The following NTN1 variants were observed in gnomAD, a reference collection of about 807,000 sequenced individuals.
The protein encoded by NTN1 is netrin-1.
Under a neutral mutation model 54.2 loss-of-function variants are expected in NTN1, and 11 were observed. That is an observed-to-expected ratio of 0.20 (90% CI 0.13 to 0.34). The LOEUF is 0.34. Ranked by LOEUF, NTN1 falls within the 10% of genes least tolerant of loss-of-function variation. The probability of loss-of-function intolerance (pLI) is 1.00; values close to 1 mark genes in which losing one functional copy is unlikely to be tolerated. For missense variants in NTN1, 740 were observed against 893.1 expected (o/e 0.83, Z 2.18); for synonymous variants, 371 against 382.0 (o/e 0.97, Z 0.33).
chr17:9,189,626 AGG>A (rs1904397828), intron 5 of NTN1, among the ~76,000 whole-genome samples: 1 of 152,098 alleles, frequency 6.6e-6, no homozygotes, highest in African/African-American at 2.4e-5. Flanking sequence ...CTGGGATTAC[AGG>A]GGTGAGCCAC....
At chr17:9,106,852 C>T in intron 2 of NTN1, among the ~76,000 whole-genome samples, 1 of 63,026 alleles carries the variant, frequency 1.6e-5, no homozygotes, top group African/African-American at 4.2e-5. Flanking sequence ...TGTATCTTCG[C>T]CGTCACCATC....
At chr17:9,173,544 CAGCCTGGCCCACGCCGTGG>C in intron 3 of NTN1, 1 of 104,314 alleles carries the variant, frequency 9.6e-6, no homozygotes, top group East Asian at 6.9e-4. Context: ...AGCCAGGGAG[CAGCCTGGCCCACGCCGTGG>C]GGCCTGTCCA....
intron 2 of NTN1, among the ~76,000 whole-genome samples, chr17:9,128,791 C>T (rs899780421): frequency 2.0e-5 from 3 of 152,200 alleles, no homozygotes; most frequent in African/African-American, 7.2e-5. Flanking sequence ...TTCACCCAAC[C>T]CGAGTGCAGA....
chr17:9,058,119 G>C (rs942470087), intron 2 of NTN1, among the ~76,000 whole-genome samples: 2 of 152,136 alleles, frequency 1.3e-5, no homozygotes, highest in African/African-American at 4.8e-5. Flanking sequence ...AAACTCCTGA[G>C]CTCAGGAAAA....
At chr17:9,073,859 C>G (rs1220893837) in intron 2 of NTN1, among the ~76,000 whole-genome samples, 2 of 152,204 alleles carry the variant, frequency 1.3e-5, no homozygotes, top group Non-Finnish European at 2.9e-5. Context: ...ATTCTTGGCC[C>G]TCTTTCGCGC....
chr17:9,019,410 A>G (rs1341558218), upstream of NTN1, among the ~76,000 whole-genome samples: 1 of 152,222 alleles, frequency 6.6e-6, no homozygotes, highest in African/African-American at 2.4e-5. Flanking sequence ...TGTTCTCTAA[A>G]TGATTTAAAA....
the NTN1 span, among the ~76,000 whole-genome samples, chr17:9,014,521 G>A: frequency 3.0e-3 from 460 of 152,302 alleles, 3 homozygotes; most frequent in African/African-American, 0.01. Context: ...TGGATGCTCA[G>A]ATGGGCAAGC....
chr17:9,199,661 C>T (rs946059855), intron 5 of NTN1, among the ~76,000 whole-genome samples: 1 of 152,248 alleles, frequency 6.6e-6, no homozygotes, highest in Admixed American at 6.5e-5. Context: ...TTGAGGATCA[C>T]TTGTACATGT....
chr17:9,222,768 A>AG (rs1199742810), intron 6 of NTN1, among the ~76,000 whole-genome samples: 1 of 152,162 alleles, frequency 6.6e-6, no homozygotes, highest in Admixed American at 6.5e-5. Context: ...TGCTTGAACA[A>AG]GGCTTTCTTC....
At chr17:9,215,973 T>C (rs189652154) in intron 5 of NTN1, among the ~76,000 whole-genome samples, 3 of 152,324 alleles carry the variant, frequency 2.0e-5, no homozygotes, top group African/African-American at 7.2e-5. Context: ...TACTTATTTA[T>C]TTTTAGAGAC....
chr17:9,169,758 G>A (rs960661174), intron 3 of NTN1, among the ~76,000 whole-genome samples: 2 of 152,204 alleles, frequency 1.3e-5, no homozygotes, highest in African/African-American at 4.8e-5. Flanking sequence ...CCAGCTACTC[G>A]GGAGGCTGAG....
At chr17:9,038,462 C>G (rs377001751) in intron 2 of NTN1, among the ~76,000 whole-genome samples, 1 of 152,106 alleles carries the variant, frequency 6.6e-6, no homozygotes, top group East Asian at 1.9e-4. Context: ...CTTTTATTCA[C>G]AGGGGGCCTG....
intron 2 of NTN1, among the ~76,000 whole-genome samples, chr17:9,134,478 T>C (rs1026851179): frequency 5.9e-5 from 9 of 152,230 alleles, no homozygotes; most frequent in African/African-American, 2.2e-4. Context: ...ATGGTCCTTG[T>C]ATATTAGAAT....
chr17:9,179,986 C>A, intron 4 of NTN1, 30 bp downstream of exon 4: 1 of 1,598,498 alleles, frequency 6.3e-7, no homozygotes, highest in South Asian at 1.1e-5. Flanking sequence ...CTTTTCAAGT[C>A]TCTGGCTTTG....
At chr17:9,227,470 T>TCA (rs1488478980) in intron 6 of NTN1, among the ~76,000 whole-genome samples, 1 of 121,056 alleles carries the variant, frequency 8.3e-6, no homozygotes, top group African/African-American at 3.7e-5. Flanking sequence ...TCACACACAG[T>TCA]CACACACATA....
At chr17:9,227,750 ACT>A (rs761770155) in intron 6 of NTN1, among the ~76,000 whole-genome samples, 3 of 151,222 alleles carry the variant, frequency 2.0e-5, no homozygotes, top group Non-Finnish European at 4.4e-5. Flanking sequence ...TCACACACAG[ACT>A]CACACATTTA....
At chr17:9,031,492 G>A (rs1413971047) in intron 2 of NTN1, among the ~76,000 whole-genome samples, 1 of 152,112 alleles carries the variant, frequency 6.6e-6, no homozygotes, top group Non-Finnish European at 1.5e-5. Flanking sequence ...AACTCCTTAG[G>A]CAGAATTAGC....
At chr17:9,157,430 G>A (rs950300513) in intron 2 of NTN1, among the ~76,000 whole-genome samples, 2 of 152,252 alleles carry the variant, frequency 1.3e-5, no homozygotes, top group African/African-American at 4.8e-5. Flanking sequence ...GAGAGGGGCA[G>A]AAAGGCAGGA....
chr17:9,120,183 G>A (rs1412813459), intron 2 of NTN1, among the ~76,000 whole-genome samples: 1 of 151,698 alleles, frequency 6.6e-6, no homozygotes, highest in Non-Finnish European at 1.5e-5. Context: ...TACTCAGGAG[G>A]CTAAGGCAGG....
Sources: allele counts gnomAD v4.1 joint callset (sites outside exome capture counted in the v4.1 genomes callset), GRCh38; gene constraint gnomAD v4.1.1; transcripts MANE v1.5; gene names NCBI Gene and HGNC (gene_info 2026-07-23, HGNC 2026-07-21).